The following UACA variants were observed in gnomAD, a reference collection of about 807,000 sequenced individuals.
UACA encodes the protein nuclear membrane binding protein.
Under a neutral mutation model 160.5 loss-of-function variants are expected in UACA, and 112 were observed. The ratio of observed to expected loss-of-function variants is 0.70; its 90% CI spans 0.60 to 0.82. UACA has a LOEUF of 0.82. Ranked by LOEUF, UACA falls within the 40% of genes least tolerant of loss-of-function variation. The pLI is 0.00. For synonymous variants in UACA, 557 were observed against 568.4 expected (o/e 0.98, Z 0.29); for missense variants, 1,574 against 1,614.6 (o/e 0.97, Z 0.43).
chr15:70,744,061 G>A (rs1322152024), intron 1 of UACA, among the ~76,000 whole-genome samples: 3 of 151,826 alleles, frequency 2.0e-5, no homozygotes, highest in African/African-American at 7.3e-5. Flanking sequence ...TGGCTAACAC[G>A]GTGAAACCCC....
At chr15:70,749,977 G>A (rs188988951) in intron 1 of UACA, among the ~76,000 whole-genome samples, 1 of 152,258 alleles carries the variant, frequency 6.6e-6, no homozygotes, top group East Asian at 1.9e-4. Flanking sequence ...GGACTGAACA[G>A]TGCATCAAAC....
intron 16 of UACA, chr15:70,665,066 A>G (rs1896856292): frequency 6.8e-6 from 2 of 293,224 alleles, no homozygotes; most frequent in Admixed American, 5.0e-5. Context: ...CTAAGATGTG[A>G]GTATAAACAT....
At chr15:70,660,051 GC>G (rs1896648570) in intron 18 of UACA, 99 bp downstream of exon 18, 1 of 910,934 alleles carries the variant, frequency 1.1e-6, no homozygotes, top group African/African-American at 1.7e-5. Flanking sequence ...AGGGGGTGCA[GC>G]TACTTTAAAC....
chr15:70,671,725 C>G (rs1032167806), intron 14 of UACA: 1 of 301,380 alleles, frequency 3.3e-6, no homozygotes, highest in Admixed American at 5.1e-5. Context: ...TTTGGTAATT[C>G]ATACAATATA....
At chr15:70,659,395 G>GTTTTTTTTTTTTTTTTTTTTT (rs71152307) in intron 18 of UACA, among the ~76,000 whole-genome samples, 529 of 18,830 alleles carry the variant, frequency 0.028, 236 homozygotes, top group Non-Finnish European at 0.033. Flanking sequence ...TTTTTTGTTT[G>GTTTTTTTTTTTTTTTTTTTTT]TTTTTTTTTT....
Position 70,763,500 on chromosome 15 carries a change from G to T in UACA, c.-93C>A. The T allele has an allele frequency of 8.0e-6, 10 of 1,257,812 alleles. No homozygotes were observed. Among genetic ancestry groups the T allele is most frequent in the East Asian group, 3.2e-5 (1 of 31,640 alleles). The allele number at this position is 1,257,812 out of a possible 1,614,324, so 77.9% of individuals were successfully genotyped here. ...CGGCAGCGGCTGCAGCAGAGGCGGC[G>T]CGGGCTGTACCAGCCCCACCTGCCT... On this transcript the variant is annotated 5_prime_UTR_variant, in exon 1 of 19. Coordinates refer to ENST00000322954, the MANE Select transcript of UACA (RefSeq NM_018003.4).
chr15:70,759,437 C>T (rs1031828285), intron 1 of UACA, among the ~76,000 whole-genome samples: 2 of 152,178 alleles, frequency 1.3e-5, no homozygotes, highest in Admixed American at 1.3e-4. Flanking sequence ...GGGCGGATCA[C>T]CTGAGGTCAG....
intron 1 of UACA, among the ~76,000 whole-genome samples, chr15:70,724,717 T>G (rs1899094371): frequency 6.6e-6 from 1 of 152,098 alleles, no homozygotes; most frequent in Admixed American, 6.6e-5. Flanking sequence ...TTTTATAGAT[T>G]AAACTCTTTC....
chr15:70,682,860 C>T, intron 8 of UACA, 65 bp from the exon 9 acceptor site: 1 of 1,055,812 alleles, frequency 9.5e-7, no homozygotes, highest in Non-Finnish European at 1.4e-6. Context: ...TACGCATTCC[C>T]TAACTATACA....
At chr15:70,680,468 C>G (rs1490223713) in intron 9 of UACA, among the ~76,000 whole-genome samples, 2 of 152,028 alleles carry the variant, frequency 1.3e-5, no homozygotes, top group African/African-American at 2.4e-5. Flanking sequence ...TTTGCTTGAT[C>G]AAGTTTTTAA....
chr15:70,678,667 C>G (rs955775526), intron 10 of UACA, among the ~76,000 whole-genome samples: 16 of 151,948 alleles, frequency 1.1e-4, no homozygotes, highest in Admixed American at 5.9e-4. Flanking sequence ...CTAAGAAAAC[C>G]CAAATAAAAT....
intron 3 of UACA, among the ~76,000 whole-genome samples, chr15:70,693,751 A>T (rs1237231110): frequency 1.3e-5 from 2 of 152,122 alleles, no homozygotes; most frequent in Non-Finnish European, 2.9e-5. Flanking sequence ...GAATACAGAC[A>T]AAAACAAGAA....
At chr15:70,664,588 T>C (rs1245332940) in intron 17 of UACA, 74 bp downstream of exon 17, 3 of 1,502,838 alleles carry the variant, frequency 2.0e-6, no homozygotes, top group African/African-American at 2.8e-5. Context: ...CTTTAATTTC[T>C]AAATGAGCCT....
chr15:70,676,511 A>G lies in UACA; in HGVS notation c.1113T>C (p.Asn371=), dbSNP rs61741196. The stretch of plus-strand genomic sequence containing the variant: ...TCTATACCTCAAAATATTTAAATCT[A>G]TTTTTCAGAGCCTCAATAGTCCTTA... ...ESLRTIEALK[N]RFKYFESDHL... is the part of the protein sequence containing the mutation. The change falls in exon 13 of 19, where the codon AAT becomes AAC. Residue 371 remains asparagine (N), a synonymous_variant. Coordinates refer to ENST00000322954, the MANE Select transcript of UACA (RefSeq NM_018003.4). The G allele has an allele frequency of 2.0e-3, 3,232 of 1,611,090 alleles. 57 individuals carry two copies. In the African/African-American group the frequency reaches 0.039, roughly 19 times the overall value.
At chr15:70,691,408 T>A (rs780694211) in intron 3 of UACA, 45 bp from the exon 4 acceptor site, 4 of 1,410,810 alleles carry the variant, frequency 2.8e-6, no homozygotes, top group Admixed American at 1.9e-5. Flanking sequence ...TTTCTTCATA[T>A]GTAAATTGAG....
At chr15:70,763,732 G>A (rs1183254505), upstream of UACA, 1 of 293,958 alleles carries the variant, frequency 3.4e-6, no homozygotes, top group Non-Finnish European at 5.9e-6. Context: ...CCCGGGAAGG[G>A]GCGGAGGAGG....
At chr15:70,659,403 T>TTG (rs761807338) in intron 18 of UACA, among the ~76,000 whole-genome samples, 1 of 121,380 alleles carries the variant, frequency 8.2e-6, no homozygotes. Context: ...TTGTTTTTTT[T>TTG]TTTTTTTTTT....
chr15:70,762,629 C>T (rs911576700), intron 1 of UACA, among the ~76,000 whole-genome samples: 1 of 152,236 alleles, frequency 6.6e-6, no homozygotes, highest in African/African-American at 2.4e-5. Context: ...GCACGGATCC[C>T]GCCCCACAGG....
At chr15:70,750,523 G>T (rs533378357) in intron 1 of UACA, among the ~76,000 whole-genome samples, 11 of 152,204 alleles carry the variant, frequency 7.2e-5, no homozygotes, top group African/African-American at 2.6e-4. Context: ...AACTCTGAAA[G>T]AAATTTAACC....
Sources: allele counts gnomAD v4.1 joint callset (sites outside exome capture counted in the v4.1 genomes callset), GRCh38; gene constraint gnomAD v4.1.1; transcripts MANE v1.5; gene names NCBI Gene and HGNC (gene_info 2026-07-23, HGNC 2026-07-21).